Variants in SLC7A5 observed in about 807,000 individuals in gnomAD.
SLC7A5 encodes the protein large neutral amino acids transporter small subunit 1.
In SLC7A5, 23 loss-of-function variants were observed where a neutral mutation model predicts 50.2. The ratio of observed to expected loss-of-function variants is 0.46; its 90% CI spans 0.33 to 0.65. The LOEUF (loss-of-function observed/expected upper bound fraction) is 0.65. Ranked by LOEUF, SLC7A5 falls within the 30% of genes least tolerant of loss-of-function variation. The pLI, the probability that SLC7A5 is intolerant of heterozygous loss-of-function variation, is 0.02. For missense variants in SLC7A5, 578 were observed against 684.4 expected (o/e 0.84, Z 1.73); for synonymous variants, 393 against 330.6 (o/e 1.19, Z -2.05).
intron 1 of SLC7A5, among the ~76,000 whole-genome samples, chr16:87,866,643 T>A (rs1013761042): frequency 5.9e-5 from 9 of 152,032 alleles, no homozygotes; most frequent in African/African-American, 2.2e-4. Flanking sequence ...TTTTTTGTAT[T>A]TTTAGTAGAG....
In SLC7A5 at chr16:87,868,134, GAAAGAA is replaced by G. The variant is rs1260095219; in HGVS notation, c.538+745_538+750del. 2.4e-4 allele frequency among the ~76,000 whole-genome samples: 25 copies of G among 103,206 alleles called. 1 individual carries two copies. The highest frequency in any genetic ancestry group is 8.5e-3 in the Middle Eastern group (2 of 236). 67.7% of individuals were successfully genotyped at this position (103,206 alleles called of 152,430 possible). ...CAGTGTCAAAAAAAAAAAAAAAAAAGAAAGAAAAAGAAAAAGAAAACTATTTTGAAA... is the reference window on the plus strand; with the variant it reads ...CAGTGTCAAAAAAAAAAAAAAAAAAGAAAGAAAAAGAAAACTATTTTGAAA... On this transcript the variant is annotated intron_variant, in intron 1 of 9. Transcript: ENST00000261622.
intron 4 of SLC7A5, among the ~76,000 whole-genome samples, 186 bp downstream of exon 4, chr16:87,840,243 A>G (rs1407044481): frequency 6.6e-6 from 1 of 152,174 alleles, no homozygotes; most frequent in Non-Finnish European, 1.5e-5. Flanking sequence ...TTCTCTGGAG[A>G]AACCGTGCTC....
At chr16:87,838,072 C>G (rs767715921) in intron 6 of SLC7A5, 131 bp from the exon 7 acceptor site, 1 of 740,484 alleles carries the variant, frequency 1.4e-6, no homozygotes, top group East Asian at 2.7e-5. Flanking sequence ...CAGTGGGAAC[C>G]AGGCCCCTCC....
intron 1 of SLC7A5, among the ~76,000 whole-genome samples, chr16:87,856,291 C>A (rs1190224405): frequency 3.3e-5 from 5 of 152,200 alleles, no homozygotes; most frequent in African/African-American, 1.2e-4. Flanking sequence ...CAGAGATGGT[C>A]CAAGGCCTGT....
chr16:87,868,862 C>T (rs763369584), intron 1 of SLC7A5, 23 bp downstream of exon 1: 10 of 1,581,690 alleles, frequency 6.3e-6, no homozygotes, highest in Non-Finnish European at 8.6e-6. Context: ...CCTCCCAACC[C>T]CCGGCCCGCG....
chr16:87,834,637 T>C (rs2054974745), intron 8 of SLC7A5, 46 bp from the exon 9 acceptor site: 15 of 1,552,592 alleles, frequency 9.7e-6, no homozygotes, highest in African/African-American at 1.4e-5. Flanking sequence ...CTGTCCAGCC[T>C]CCCTCCCCCA....
At chr16:87,867,730 T>C (rs1429303921) in intron 1 of SLC7A5, among the ~76,000 whole-genome samples, 1 of 152,120 alleles carries the variant, frequency 6.6e-6, no homozygotes, top group Non-Finnish European at 1.5e-5. Flanking sequence ...ATGGGATGAA[T>C]CTGAGAATTG....
rs758317194 is a variant in SLC7A5 at position 87,834,650 on chromosome 16, C to A, written c.1291-59G>T. 58 of 1,541,332 alleles carry A rather than the reference C, an allele frequency of 3.8e-5. No individual in the cohort carries two copies. The South Asian group carries it at 6.7e-4, about 18-fold the overall frequency. Reference sequence around the variant, plus strand: ...TCCTGTCCAGCCTCCCTCCCCCATGCCCCGAGGTTCCTCAGCCCTCCTGGG... The same window carrying A: ...TCCTGTCCAGCCTCCCTCCCCCATGACCCGAGGTTCCTCAGCCCTCCTGGG... On this transcript the variant is annotated intron_variant, in intron 8 of 9. Transcript: ENST00000261622.
Position 87,869,239 on chromosome 16 carries a change from T to C in SLC7A5, c.184A>G (p.Thr62Ala). The C allele has an allele frequency of 6.2e-7, 1 of 1,612,714 alleles. No homozygotes were observed. The highest frequency in any genetic ancestry group is 8.5e-7 in the Non-Finnish European group (1 of 1,179,848). Residue 62 changes from threonine (T) to alanine (A), a missense_variant, in exon 1 of 10, where the codon ACC becomes GCC. By Grantham distance (58) the Thr-to-Ala change is moderately conservative. This residue lies in a region of SLC7A5 where 465 missense variants were observed against 594.6 expected (regional missense o/e 0.78). Transcript: ENST00000261622. ...ACGAAGATGCCCGAGCCGATAATGG[T>C]CCCCACGATGATGGCCACGCCGTTG... ...LLNGVAIIVG[T>A]IIGSGIFVTP...
chr16:87,837,065 C>A (rs2143718163), intron 7 of SLC7A5, among the ~76,000 whole-genome samples: 1 of 152,362 alleles, frequency 6.6e-6, no homozygotes, highest in East Asian at 1.9e-4. Flanking sequence ...AGCCGTGCTC[C>A]CGAGGACCGT....
rs1452785882 is a variant in SLC7A5, at chr16:87,860,389, CACACACACACATAT to C, written c.538+8482_538+8495del. On this transcript the variant is annotated intron_variant, in intron 1 of 9. Coordinates refer to ENST00000261622, the MANE Select transcript of SLC7A5 (RefSeq NM_003486.7). This position sits in a 1 kb window ranked among gnomAD's most constrained non-coding sequence, Gnocchi z 4.8. The stretch of plus-strand genomic sequence containing the variant: ...ACACACACACACACACACACACACA[CACACACACACATAT>C]ATATATAAAGAAAAAGGAAATCTTC... Among the ~76,000 whole-genome samples, 278 of 109,268 alleles carry C rather than the reference CACACACACACATAT, an allele frequency of 2.5e-3. 14 individuals are homozygous for C. Among genetic ancestry groups the C allele is most frequent in the African/African-American group, 9.0e-3 (259 of 28,908 alleles). 71.7% of individuals were successfully genotyped at this position (109,268 alleles called of 152,430 possible).
intron 2 of SLC7A5, among the ~76,000 whole-genome samples, chr16:87,849,090 T>C (rs1434606238): frequency 6.6e-6 from 1 of 152,212 alleles, no homozygotes; most frequent in South Asian, 2.1e-4. Flanking sequence ...AGATTTTCGC[T>C]GCATTCTCCA....
At chr16:87,848,570 G>C (rs1597504009) in intron 2 of SLC7A5, among the ~76,000 whole-genome samples, 1 of 152,300 alleles carries the variant, frequency 6.6e-6, no homozygotes, top group South Asian at 2.1e-4. Context: ...CAGCCTAGGG[G>C]CAGCCATGAC....
chr16:87,869,443 C>G lies in SLC7A5; in HGVS notation c.-21G>C, dbSNP rs2055506662. The G allele has an allele frequency of 6.5e-6, 9 of 1,395,158 alleles. No individual in the cohort carries two copies. The South Asian group carries it at 8.1e-5, about 13-fold the overall frequency. 86.4% of individuals were successfully genotyped at this position (1,395,158 alleles called of 1,614,324 possible). ...GCCATGCTCTGCGCACCGGCCGGGCCTGGGACACCCGGGAGCCGCGGCCCA... is the reference window on the plus strand; with the variant it reads ...GCCATGCTCTGCGCACCGGCCGGGCGTGGGACACCCGGGAGCCGCGGCCCA... On this transcript the variant is annotated 5_prime_UTR_variant, in exon 1 of 10. Transcript: ENST00000261622.
At chr16:87,866,718 C>T (rs1274259596) in intron 1 of SLC7A5, among the ~76,000 whole-genome samples, 7 of 152,138 alleles carry the variant, frequency 4.6e-5, no homozygotes, top group Admixed American at 2.6e-4. Flanking sequence ...CCGCCTGCCT[C>T]GGCCTCCCAA....
rs1261681038 is a variant in SLC7A5, at chr16:87,834,601, A to C, written c.1291-10T>G. On this transcript the variant is annotated splice_polypyrimidine_tract_variant and intron_variant, in intron 8 of 9. Coordinates refer to ENST00000261622, the MANE Select transcript of SLC7A5 (RefSeq NM_003486.7). Reference sequence around the variant, plus strand: ...GCAGGGCCAGGTTCACCTGGGGCAGAGGACAGGGCCTGGGTGAGCCCTCTC... The same window carrying C: ...GCAGGGCCAGGTTCACCTGGGGCAGCGGACAGGGCCTGGGTGAGCCCTCTC... 6.3e-7 allele frequency: 1 copy of C among 1,579,096 alleles called. No individual in the cohort carries two copies. The highest frequency in any genetic ancestry group is 8.6e-7 in the Non-Finnish European group (1 of 1,164,000).
intron 2 of SLC7A5, among the ~76,000 whole-genome samples, chr16:87,846,485 T>C (rs2055155596): frequency 6.6e-6 from 1 of 152,124 alleles, no homozygotes; most frequent in South Asian, 2.1e-4. Flanking sequence ...CTAACCCCGG[T>C]GTGGCTGTAC....
rs1338683166 is a variant in SLC7A5, at chr16:87,860,721, C to T, written c.538+8164G>A. Among the ~76,000 whole-genome samples the T allele has an allele frequency of 3.3e-5, 5 of 152,216 alleles. No homozygotes were observed. The highest frequency in any genetic ancestry group is 3.3e-4 in the Admixed American group (5 of 15,276). On this transcript the variant is annotated intron_variant, in intron 1 of 9. Coordinates refer to ENST00000261622, the MANE Select transcript of SLC7A5 (RefSeq NM_003486.7). This position sits in a 1 kb window ranked among gnomAD's most constrained non-coding sequence, Gnocchi z 4.8. The stretch of plus-strand genomic sequence containing the variant: ...GTGTCTCAGTAGTGACAGATGCTGG[C>T]CCACCCCGAGGTCAGGATGACTCAG...
At chr16:87,866,319 G>A (rs749520438) in intron 1 of SLC7A5, among the ~76,000 whole-genome samples, 10 of 152,136 alleles carry the variant, frequency 6.6e-5, no homozygotes, top group African/African-American at 1.2e-4. Flanking sequence ...ACTGTCAGCC[G>A]CAGAAACTCT....
Sources: gnomAD v4.1 joint callset for allele counts (sites outside exome capture counted in the v4.1 genomes callset) on GRCh38, gnomAD v4.1.1 for gene constraint, gnomAD v4.1.1 regional missense constraint, Gnocchi (gnomAD v3.1) non-coding constraint, MANE v1.5 for transcripts, NCBI Gene and HGNC (gene_info 2026-07-23, HGNC 2026-07-21) for gene names.